CYTH1: variants seen among roughly 807,000 people sequenced by gnomAD.
The protein encoded by CYTH1 is cytohesin 1, also known as cytohesin-1.
In CYTH1, 18 loss-of-function variants were observed where a neutral mutation model predicts 61.8. The ratio of observed to expected loss-of-function variants is 0.29; its 90% CI spans 0.20 to 0.43. The LOEUF is 0.43. Ranked by LOEUF, CYTH1 falls within the 20% of genes least tolerant of loss-of-function variation. CYTH1 has a pLI of 1.00. For synonymous variants in CYTH1, 174 were observed against 184.3 expected (o/e 0.94, Z 0.45); for missense variants, 336 against 510.5 (o/e 0.66, Z 3.29).
chr17:78,698,656 G>C (rs1258438043), intron 8 of CYTH1, among the ~76,000 whole-genome samples, 164 bp downstream of exon 8: 1 of 152,156 alleles, frequency 6.6e-6, no homozygotes, highest in Admixed American at 6.5e-5. Flanking sequence ...TGATTCCCTA[G>C]CTGGGCCTTA....
rs190423375 is a variant in CYTH1 at position 78,774,727 on chromosome 17, C to G, written c.22+7475G>C. On this transcript the variant is annotated intron_variant, in intron 1 of 13. Coordinates refer to ENST00000446868, the MANE Select transcript of CYTH1 (RefSeq NM_004762.6). ...TTTCTTGTTGAATCTTCTCACCACC[C>G]ACACACAGGTCTCCATGGTACAGCA... Among the ~76,000 whole-genome samples the G allele has an allele frequency of 9.9e-5, 15 of 152,270 alleles. No homozygotes were observed. In the East Asian group the frequency reaches 2.7e-3, roughly 27 times the overall value.
At chr17:78,725,566 C>T (rs2093262115) in intron 1 of CYTH1, among the ~76,000 whole-genome samples, 1 of 152,104 alleles carries the variant, frequency 6.6e-6, no homozygotes, top group African/African-American at 2.4e-5. Context: ...TTGAAAGAGC[C>T]CAGCAGGTGA....
chr17:78,684,308 T>C (rs1267511871), intron 11 of CYTH1, among the ~76,000 whole-genome samples: 1 of 152,180 alleles, frequency 6.6e-6, no homozygotes, highest in Non-Finnish European at 1.5e-5. Context: ...GAAAGAAGAA[T>C]GAGAACCACT....
intron 1 of CYTH1, among the ~76,000 whole-genome samples, chr17:78,756,707 T>C (rs1304175173): frequency 6.6e-6 from 1 of 152,134 alleles, no homozygotes; most frequent in African/African-American, 2.4e-5. Flanking sequence ...GGGACACAGA[T>C]GTCTATTAGA....
intron 1 of CYTH1, among the ~76,000 whole-genome samples, chr17:78,749,780 T>C (rs1254080531): frequency 6.6e-6 from 1 of 152,204 alleles, no homozygotes; most frequent in Non-Finnish European, 1.5e-5. Context: ...GAAGTGTTTT[T>C]TTCCCAAGAT....
intron 1 of CYTH1, among the ~76,000 whole-genome samples, chr17:78,768,660 C>T (rs561222210): frequency 1.3e-5 from 2 of 151,996 alleles, no homozygotes; most frequent in Non-Finnish European, 2.9e-5. Context: ...CCTCCTACTC[C>T]CACAGCCTGA....
intron 1 of CYTH1, among the ~76,000 whole-genome samples, chr17:78,718,218 TACACAC>T (rs55803104): frequency 0.24 from 30,803 of 128,168 alleles, 3,929 homozygotes; most frequent in Admixed American, 0.29. Context: ...AAACACTGAA[TACACAC>T]ACACACACAC....
At chr17:78,782,159 G>A (rs750822972) in intron 1 of CYTH1, 43 bp downstream of exon 1, 107 of 1,345,482 alleles carry the variant, frequency 8.0e-5, no homozygotes, top group Non-Finnish European at 9.4e-5. Flanking sequence ...GAGGGGACTG[G>A]GGGACAGCGA....
intron 11 of CYTH1, 103 bp downstream of exon 11, chr17:78,692,314 G>A (rs2092896004): frequency 1.3e-5 from 16 of 1,200,288 alleles, no homozygotes; most frequent in Non-Finnish European, 1.8e-5. Flanking sequence ...CACAGATACT[G>A]AAGGGCAAAT....
chr17:78,729,950 T>C (rs963382536), intron 1 of CYTH1, among the ~76,000 whole-genome samples: 1 of 152,154 alleles, frequency 6.6e-6, no homozygotes, highest in Non-Finnish European at 1.5e-5. Context: ...TATATCTGGA[T>C]CCACAACTAA....
At chr17:78,760,496 T>TTTAAAAGAAAGCAACA (rs2093422220) in intron 1 of CYTH1, among the ~76,000 whole-genome samples, 1 of 50,652 alleles carries the variant, frequency 2.0e-5, no homozygotes, top group East Asian at 5.7e-4. Flanking sequence ...TATATATATA[T>TTTAAAAGAAAGCAACA]ACATATATAT....
chr17:78,781,912 C>T (rs2144796957), intron 1 of CYTH1, among the ~76,000 whole-genome samples: 1 of 151,746 alleles, frequency 6.6e-6, no homozygotes, highest in Non-Finnish European at 1.5e-5. Context: ...TCGCGGCGAC[C>T]CCTGGCCCCG....
Position 78,674,659 on chromosome 17 carries a change from GCCT to G in CYTH1, c.*1429_*1431del, listed in dbSNP as rs2143909466. On this transcript the variant is annotated 3_prime_UTR_variant, in exon 14 of 14. Coordinates refer to ENST00000446868, the MANE Select transcript of CYTH1 (RefSeq NM_004762.6). ...GTGAAAACCCGCAGCTCCTCCACCT[GCCT>G]CCTCAGGGCTGCGCCCTGCACCGCC... 1 of 152,640 alleles carries G rather than the reference GCCT, an allele frequency of 6.6e-6. No homozygotes were observed. The highest frequency in any genetic ancestry group is 6.5e-5 in the Admixed American group (1 of 15,310). The allele number at this position is 152,640 out of a possible 1,614,324, so 9.5% of individuals were successfully genotyped here. A position where few individuals can be genotyped will look rare whatever the true frequency, so the allele number is the denominator to read the frequency against.
intron 1 of CYTH1, among the ~76,000 whole-genome samples, chr17:78,720,656 C>G (rs1010941685): frequency 2.0e-5 from 3 of 152,184 alleles, no homozygotes; most frequent in African/African-American, 7.2e-5. Context: ...AGGGAGATGG[C>G]TTGAGCTCAG....
intron 1 of CYTH1, among the ~76,000 whole-genome samples, chr17:78,781,170 TAAAAAAA>T (rs899046034): frequency 7.9e-6 from 1 of 126,620 alleles, no homozygotes; most frequent in Non-Finnish European, 1.6e-5. Flanking sequence ...TCTCGTCTCT[TAAAAAAA>T]AAAAAAAAAG....
At chr17:78,682,772 T>C (rs943907457) in intron 11 of CYTH1, among the ~76,000 whole-genome samples, 1 of 152,238 alleles carries the variant, frequency 6.6e-6, no homozygotes, top group African/African-American at 2.4e-5. Context: ...GCTGGTGCTT[T>C]GCACACGACT....
rs909746186 is a variant in CYTH1, at chr17:78,773,998, G to T, written c.22+8204C>A. On this transcript the variant is annotated intron_variant, in intron 1 of 13. Transcript: ENST00000446868. Reference sequence around the variant, plus strand: ...AAAAATTTTTTTCAATCCAGCTAGTGATCAGTAGATTTAATAAGTCACCAT... The same window carrying T: ...AAAAATTTTTTTCAATCCAGCTAGTTATCAGTAGATTTAATAAGTCACCAT... Among the ~76,000 whole-genome samples, 3 of 152,140 alleles carry T rather than the reference G, an allele frequency of 2.0e-5. No individual in the cohort carries two copies. The East Asian group carries it at 5.8e-4, about 29-fold the overall frequency.
chr17:78,692,264 C>A (rs1325023744), intron 11 of CYTH1, among the ~76,000 whole-genome samples, 153 bp downstream of exon 11: 1 of 152,162 alleles, frequency 6.6e-6, no homozygotes, highest in East Asian at 1.9e-4. Context: ...CTGAGATTTA[C>A]TTCAGTTCTT....
intron 2 of CYTH1, 152 bp from the exon 3 acceptor site, chr17:78,708,413 T>C (rs913975403): frequency 2.7e-6 from 2 of 731,822 alleles, no homozygotes; most frequent in African/African-American, 3.6e-5. Context: ...TTAGGAAAAT[T>C]CATGTTTCAG....
Sources: gnomAD v4.1 joint callset for allele counts (sites outside exome capture counted in the v4.1 genomes callset) on GRCh38, gnomAD v4.1.1 for gene constraint, MANE v1.5 for transcripts, NCBI Gene and HGNC (gene_info 2026-07-23, HGNC 2026-07-21) for gene names.